The following ZNG1F variants were observed in gnomAD, a reference collection of about 807,000 sequenced individuals.
The protein encoded by ZNG1F is Zn regulated GTPase metalloprotein activator 1F.
At chr9:41,200,268 C>A in the ZNG1F span, among the ~76,000 whole-genome samples, 1 of 16,090 alleles carries the variant, frequency 6.2e-5, no homozygotes. Flanking sequence ...TTAGAAATTT[C>A]TTCTGCCAGG....
At chr9:41,199,842 A>T in the ZNG1F span, among the ~76,000 whole-genome samples, 1 of 151,666 alleles carries the variant, frequency 6.6e-6, no homozygotes, top group Non-Finnish European at 1.5e-5. Context: ...GGAAGCTGCC[A>T]AGGCTTGGGG....
chr9:41,132,034 C>G, the ZNG1F span: 2 of 1,335,144 alleles, frequency 1.5e-6, no homozygotes, highest in Non-Finnish European at 2.0e-6. Flanking sequence ...AACCACTTTT[C>G]TAAAATTGAA....
At chr9:41,204,388 T>TTATATATATA in the ZNG1F span, among the ~76,000 whole-genome samples, 9 of 20,224 alleles carry the variant, frequency 4.5e-4, no homozygotes, top group African/African-American at 4.9e-4. Context: ...AATTTTTATT[T>TTATATATATA]TATATATATA....
the ZNG1F span, among the ~76,000 whole-genome samples, chr9:41,156,186 C>T: frequency 8.0e-6 from 1 of 125,392 alleles, no homozygotes; most frequent in East Asian, 2.3e-4. Flanking sequence ...ACTATAATTT[C>T]TACAGGAAAA....
the ZNG1F span, among the ~76,000 whole-genome samples, chr9:41,146,156 G>C: frequency 1.0e-4 from 15 of 145,680 alleles, no homozygotes; most frequent in Admixed American, 1.1e-3. Flanking sequence ...CTTCCCAGCT[G>C]GTTGCTCAGG....
At chr9:41,141,160 A>G in the ZNG1F span, among the ~76,000 whole-genome samples, 1 of 151,740 alleles carries the variant, frequency 6.6e-6, no homozygotes, top group East Asian at 1.9e-4. Context: ...GATGATCTAT[A>G]TTTTGGAACC....
At chr9:41,138,805 C>T in the ZNG1F span, among the ~76,000 whole-genome samples, 1 of 112,216 alleles carries the variant, frequency 8.9e-6, no homozygotes, top group African/African-American at 3.9e-5. Flanking sequence ...ATAAGTATGT[C>T]CATTATTTCC....
At chr9:41,151,825 C>T in the ZNG1F span, among the ~76,000 whole-genome samples, 2 of 143,566 alleles carry the variant, frequency 1.4e-5, no homozygotes, top group Non-Finnish European at 1.5e-5. Context: ...ACCACCAGGC[C>T]TGCCCTAAAA....
At chr9:41,183,743 C>A in the ZNG1F span, 1 of 1,592,162 alleles carries the variant, frequency 6.3e-7, no homozygotes, top group African/African-American at 1.4e-5. Flanking sequence ...GAGGATAACT[C>A]AATAATGGAG....
chr9:41,169,729 T>G, the ZNG1F span, among the ~76,000 whole-genome samples: 1 of 147,088 alleles, frequency 6.8e-6, no homozygotes, highest in African/African-American at 2.6e-5. Flanking sequence ...ATCTTAATTG[T>G]TCTTACCACC....
At chr9:41,132,058 C>A in the ZNG1F span, 56 of 1,485,744 alleles carry the variant, frequency 3.8e-5, 1 homozygote, top group South Asian at 6.5e-4. Context: ...GAACAAAAGT[C>A]CTAACAAGCT....
At chr9:41,150,330 G>A in the ZNG1F span, among the ~76,000 whole-genome samples, 27 of 150,698 alleles carry the variant, frequency 1.8e-4, no homozygotes, top group African/African-American at 6.6e-4. Flanking sequence ...CCACGCCCAC[G>A]GAGTCTCGCG....
chr9:41,193,072 C>T, the ZNG1F span, among the ~76,000 whole-genome samples: 1 of 139,792 alleles, frequency 7.2e-6, no homozygotes, highest in Non-Finnish European at 1.6e-5. Flanking sequence ...TATTTGTGTG[C>T]CCATTTTATA....
chr9:41,158,906 G>T, the ZNG1F span: 1 of 139,064 alleles, frequency 7.2e-6, no homozygotes, highest in African/African-American at 2.6e-5. Context: ...ACCATTACCA[G>T]CATTTTAAAA....
the ZNG1F span, among the ~76,000 whole-genome samples, chr9:41,199,813 C>T: frequency 9.2e-5 from 14 of 152,060 alleles, no homozygotes; most frequent in South Asian, 2.1e-4. Context: ...TCTGTGCACC[C>T]GCAGGCTCAA....
At chr9:41,155,197 C>T in the ZNG1F span, among the ~76,000 whole-genome samples, 2 of 151,162 alleles carry the variant, frequency 1.3e-5, no homozygotes, top group Admixed American at 6.6e-5. Context: ...GGGCGAAGGA[C>T]ATGAACAGAC....
the ZNG1F span, among the ~76,000 whole-genome samples, chr9:41,174,533 T>C: frequency 6.9e-5 from 9 of 129,822 alleles, no homozygotes; most frequent in Non-Finnish European, 1.5e-4. Flanking sequence ...GATAGAACCT[T>C]TTACTATTTA....
chr9:41,183,700 G>A, the ZNG1F span: 2 of 1,606,096 alleles, frequency 1.2e-6, 1 homozygote, highest in Non-Finnish European at 1.7e-6. Flanking sequence ...AAACTCTTTA[G>A]CTTATGTCCA....
chr9:41,175,187 C>G, the ZNG1F span, among the ~76,000 whole-genome samples: 24 of 148,512 alleles, frequency 1.6e-4, 2 homozygotes, highest in African/African-American at 6.1e-4. Context: ...TGTGGTCCCC[C>G]AAGCATCACT....
Sources: gnomAD v4.1 joint callset for allele counts (sites outside exome capture counted in the v4.1 genomes callset) on GRCh38, gnomAD v4.1.1 for gene constraint, MANE v1.5 for transcripts, NCBI Gene and HGNC (gene_info 2026-07-23, HGNC 2026-07-21) for gene names.